ITK: variants seen among roughly 807,000 people sequenced by gnomAD.
ITK encodes the protein IL2 inducible T cell kinase, also known as tyrosine-protein kinase ITK/TSK.
In ITK, 45 loss-of-function variants were observed where a neutral mutation model predicts 87.6. The observed-to-expected ratio is 0.51, with a 90% CI of 0.40 to 0.66. ITK has a LOEUF of 0.66. Among genes scored for constraint, ITK ranks in the 30% least tolerant of loss-of-function variants. The probability of loss-of-function intolerance (pLI) is 0.00; values close to 1 mark genes in which losing one functional copy is unlikely to be tolerated. For synonymous variants in ITK, 303 were observed against 273.6 expected (o/e 1.11, Z -1.06); for missense variants, 605 against 766.3 (o/e 0.79, Z 2.48).
intron 3 of ITK, chr5:157,213,796 G>T: frequency 2.8e-6 from 1 of 353,902 alleles, no homozygotes. Flanking sequence ...AGTGGCTGTG[G>T]TTAAAGGTAG....
chr5:157,237,538 T>A (rs1012277173), intron 8 of ITK, among the ~76,000 whole-genome samples: 43 of 152,250 alleles, frequency 2.8e-4, no homozygotes, highest in African/African-American at 8.2e-4. Flanking sequence ...AAAAAATTTT[T>A]AAAAGTTATA....
chr5:157,225,532 T>G (rs1040549964), intron 6 of ITK, among the ~76,000 whole-genome samples: 3 of 151,846 alleles, frequency 2.0e-5, no homozygotes, highest in Admixed American at 2.0e-4. Flanking sequence ...TACACCAGAA[T>G]TTACATTTTC....
intron 6 of ITK, among the ~76,000 whole-genome samples, chr5:157,225,555 C>G (rs908903384): frequency 6.6e-6 from 1 of 152,064 alleles, no homozygotes; most frequent in East Asian, 1.9e-4. Context: ...GGTGCCTTCT[C>G]TTTAAGTAGG....
At position 157,217,913 on chromosome 5, in the gene ITK, T is replaced by C; in HGVS notation, c.495+6T>C. 6.2e-7 allele frequency: 1 copy of C among 1,613,376 alleles called. No homozygotes were observed. Among genetic ancestry groups the C allele is most frequent in the Non-Finnish European group, 8.5e-7 (1 of 1,179,396 alleles). On this transcript the variant is annotated splice_donor_region_variant and intron_variant, in intron 5 of 16. Transcript: ENST00000422843. ...CTACTCCTGAAGACAACAGGGTGAGTGAGAGCGCTAGCTCCGGGTGCAGGT... is the reference window on the plus strand; with the variant it reads ...CTACTCCTGAAGACAACAGGGTGAGCGAGAGCGCTAGCTCCGGGTGCAGGT...
chr5:157,246,078 C>CT (rs980376243), intron 15 of ITK, 79 bp downstream of exon 15: 1 of 963,274 alleles, frequency 1.0e-6, no homozygotes, highest in Non-Finnish European at 1.7e-6. Context: ...GCAGACAACC[C>CT]TACCCACACT....
At position 157,243,610 on chromosome 5, in the gene ITK, C is replaced by T; in HGVS notation, c.1061-13C>T. On this transcript the variant is annotated splice_polypyrimidine_tract_variant and intron_variant, in intron 11 of 16. Transcript: ENST00000422843. The stretch of plus-strand genomic sequence containing the variant: ...GCTTGCTGACCCCAGAGAACTCTCT[C>T]TCTCTCTTCCAGGGAAATGGGTGAT... 1 of 1,611,604 alleles carries T rather than the reference C, an allele frequency of 6.2e-7. No individual in the cohort carries two copies. Among genetic ancestry groups the T allele is most frequent in the Non-Finnish European group, 8.5e-7 (1 of 1,179,356 alleles).
At chr5:157,211,417 G>A (rs1045594699) in intron 3 of ITK, 49 bp downstream of exon 3, 3 of 1,418,356 alleles carry the variant, frequency 2.1e-6, no homozygotes, top group African/African-American at 2.8e-5. Context: ...TGATCCTATA[G>A]TAGGGTTGGG....
intron 7 of ITK, among the ~76,000 whole-genome samples, chr5:157,228,825 A>C (rs1439117362): frequency 6.6e-6 from 1 of 152,036 alleles, no homozygotes; most frequent in Admixed American, 6.6e-5. Flanking sequence ...ACAGGATCTC[A>C]CTAGGTTGCC....
intron 13 of ITK, 85 bp downstream of exon 13, chr5:157,244,563 A>G: frequency 1.2e-6 from 1 of 808,982 alleles, no homozygotes; most frequent in Admixed American, 1.9e-5. Flanking sequence ...TTAATAAATA[A>G]TACATTACAG....
At position 157,222,948 on chromosome 5, in the gene ITK, G is replaced by A. The variant is rs755761978; in HGVS notation, c.581G>A (p.Arg194His). Residue 194 changes from arginine to histidine, a missense_variant, in exon 6 of 17, where the codon CGC (arginine) becomes CAC (histidine). Physicochemically the swap from Arg to His is conservative, Grantham distance 29 (BLOSUM62 0). Coordinates refer to ENST00000422843, the MANE Select transcript of ITK (RefSeq NM_005546.4). ...TNDPQELALRRNEEYCLLDSS... is the reference protein window; with the variant it reads ...TNDPQELALRHNEEYCLLDSS... ...GATCCTCAGGAACTCGCACTGCGGC[G>A]CAACGAAGAGTACTGCCTGCTGGAC... The A allele has an allele frequency of 2.7e-5, 44 of 1,613,958 alleles. No homozygotes were observed. Among genetic ancestry groups the A allele is most frequent in the East Asian group, 2.2e-4 (10 of 44,876 alleles).
At chr5:157,202,139 C>T (rs1453961117) in intron 1 of ITK, among the ~76,000 whole-genome samples, 3 of 152,194 alleles carry the variant, frequency 2.0e-5, no homozygotes, top group Non-Finnish European at 4.4e-5. Context: ...CTACCCATGT[C>T]GCTGCAAAGG....
At chr5:157,231,463 T>C (rs189602946) in intron 7 of ITK, among the ~76,000 whole-genome samples, 32 of 152,340 alleles carry the variant, frequency 2.1e-4, no homozygotes, top group African/African-American at 7.7e-4. Flanking sequence ...CATGTTGGTG[T>C]CATGTACTGT....
At chr5:157,220,839 TA>T (rs1212220128) in intron 5 of ITK, among the ~76,000 whole-genome samples, 1 of 152,212 alleles carries the variant, frequency 6.6e-6, no homozygotes, top group Non-Finnish European at 1.5e-5. Context: ...CACAATTTTT[TA>T]AAATTAAAGT....
chr5:157,182,497 C>G (rs1386940512), intron 1 of ITK, among the ~76,000 whole-genome samples: 1 of 152,118 alleles, frequency 6.6e-6, no homozygotes, highest in Admixed American at 6.6e-5. Flanking sequence ...AATTGCTTGT[C>G]TTATTATCAG....
intron 1 of ITK, among the ~76,000 whole-genome samples, chr5:157,204,339 T>C (rs187652480): frequency 1.3e-5 from 2 of 152,042 alleles, no homozygotes; most frequent in African/African-American, 4.8e-5. Flanking sequence ...GGCGGGCAGA[T>C]TGCCTGAGCT....
At chr5:157,238,568 A>G (rs1561662621) in intron 9 of ITK, among the ~76,000 whole-genome samples, 1 of 152,242 alleles carries the variant, frequency 6.6e-6, no homozygotes, top group Admixed American at 6.5e-5. Context: ...TCATAAAACT[A>G]CCTACCATTA....
chr5:157,184,755 A>G (rs986768643), intron 1 of ITK, among the ~76,000 whole-genome samples: 6 of 152,184 alleles, frequency 3.9e-5, no homozygotes, highest in Non-Finnish European at 2.9e-5. Context: ...CTTTTTACCA[A>G]TTGCTACATG....
intron 13 of ITK, 72 bp downstream of exon 13, chr5:157,244,550 G>T (rs565775887): frequency 1.2e-6 from 1 of 864,362 alleles, no homozygotes; most frequent in East Asian, 2.5e-5. Context: ...GACTGGGAAC[G>T]CATTAATAAA....
Position 157,249,954 on chromosome 5 carries a change from A to AT in ITK, c.1791+953dup, listed in dbSNP as rs201745359. The stretch of plus-strand genomic sequence containing the variant: ...TGATTTTTTTAAATTAATAGTCTTT[A>AT]TTTTTTAACAAAGAGTACAGAGTTC... On this transcript the variant is annotated intron_variant, in intron 16 of 16. Coordinates refer to ENST00000422843, the MANE Select transcript of ITK (RefSeq NM_005546.4). 3.9e-3 allele frequency among the ~76,000 whole-genome samples: 598 copies of AT among 152,214 alleles called. 6 individuals are homozygous for AT. Among genetic ancestry groups the AT allele is most frequent in the Middle Eastern group, 6.8e-3 (2 of 294 alleles).
Sources: allele counts gnomAD v4.1 joint callset (sites outside exome capture counted in the v4.1 genomes callset), GRCh38; gene constraint gnomAD v4.1.1; transcripts MANE v1.5; gene names NCBI Gene and HGNC (gene_info 2026-07-23, HGNC 2026-07-21).